Variants in CPNE4 observed in about 807,000 individuals in gnomAD.
The protein encoded by CPNE4 is copine 4.
A neutral mutation model predicts 67.9 loss-of-function variants in CPNE4; 25 were observed. The ratio of observed to expected loss-of-function variants is 0.37; its 90% confidence interval spans 0.27 to 0.51. The LOEUF is 0.51. Among genes scored for constraint, CPNE4 ranks in the 20% least tolerant of loss-of-function variants. The pLI, the probability that CPNE4 is intolerant of heterozygous loss-of-function variation, is 0.93. For missense variants in CPNE4, 464 were observed against 690.8 expected (o/e 0.67, Z 3.68); for synonymous variants, 242 against 244.9 (o/e 0.99, Z 0.11).
At chr3:131,709,662 G>A (rs1163628918) in intron 3 of CPNE4, among the ~76,000 whole-genome samples, 1 of 152,124 alleles carries the variant, frequency 6.6e-6, no homozygotes, top group African/African-American at 2.4e-5. Context: ...TTAGAAAATC[G>A]TGTGCTCCTA....
At chr3:131,800,555 C>T (rs1028090496) in intron 2 of CPNE4, among the ~76,000 whole-genome samples, 1 of 152,122 alleles carries the variant, frequency 6.6e-6, no homozygotes, top group Non-Finnish European at 1.5e-5. Flanking sequence ...TCTCTCAATT[C>T]TGTTTAGTGC....
chr3:131,759,536 A>G (rs1027311332), intron 2 of CPNE4, among the ~76,000 whole-genome samples: 2 of 152,112 alleles, frequency 1.3e-5, no homozygotes, highest in Admixed American at 6.6e-5. Context: ...ACTCAAGCAA[A>G]CAAATGGACA....
chr3:131,706,272 A>AT (rs1286052582), intron 3 of CPNE4, among the ~76,000 whole-genome samples: 7 of 152,212 alleles, frequency 4.6e-5, no homozygotes, highest in Non-Finnish European at 1.0e-4. Flanking sequence ...TACTTTTTCA[A>AT]GGGAAAAAGA....
intron 1 of CPNE4, among the ~76,000 whole-genome samples, chr3:131,951,516 C>G (rs992588776): frequency 6.6e-6 from 1 of 152,072 alleles, no homozygotes; most frequent in Admixed American, 6.5e-5. Flanking sequence ...TTCTTCAGCC[C>G]TCTCCCTCTC....
chr3:131,541,095 G>T (rs1935455561), intron 15 of CPNE4, among the ~76,000 whole-genome samples: 1 of 152,138 alleles, frequency 6.6e-6, no homozygotes, highest in African/African-American at 2.4e-5. Context: ...TAGGGGCTGG[G>T]CATATGCTCT....
Position 131,649,570 on chromosome 3 carries a change from G to A in CPNE4, c.681+20105C>T, listed in dbSNP as rs1393216624. ...TATTCTTTCTAATCTCCAGGCTGAC[G>A]TTCAAGTCTCTTGCCTTTCACTTCT... is the stretch of plus-strand genomic sequence containing the variant. On this transcript the variant is annotated intron_variant, in intron 7 of 15. Transcript: ENST00000429747. Among the ~76,000 whole-genome samples the A allele has an allele frequency of 3.3e-5, 5 of 152,310 alleles. No individual in the cohort carries two copies. The East Asian group carries it at 5.8e-4, about 18-fold the overall frequency.
intron 3 of CPNE4, among the ~76,000 whole-genome samples, chr3:131,720,521 T>C (rs2081855765): frequency 6.6e-6 from 1 of 152,148 alleles, no homozygotes; most frequent in African/African-American, 2.4e-5. Flanking sequence ...CCTGACCTTG[T>C]GATCCGCCTG....
At chr3:131,570,389 GGTTA>G (rs1320982946) in intron 10 of CPNE4, among the ~76,000 whole-genome samples, 7 of 151,476 alleles carry the variant, frequency 4.6e-5, no homozygotes, top group Non-Finnish European at 8.8e-5. Context: ...ACATTGTGCA[GGTTA>G]GTTACATATG....
At chr3:131,814,936 C>T (rs2084678671) in intron 2 of CPNE4, among the ~76,000 whole-genome samples, 2 of 152,114 alleles carry the variant, frequency 1.3e-5, no homozygotes, top group African/African-American at 4.8e-5. Flanking sequence ...CTTCAAATGC[C>T]ATCTCAGAGA....
At chr3:131,707,780 C>T (rs932539590) in intron 3 of CPNE4, among the ~76,000 whole-genome samples, 3 of 152,126 alleles carry the variant, frequency 2.0e-5, no homozygotes, top group African/African-American at 7.2e-5. Context: ...CCCTCTTACT[C>T]AAACCACTAC....
chr3:131,891,051 T>C (rs1192800190), intron 2 of CPNE4, among the ~76,000 whole-genome samples: 2 of 152,108 alleles, frequency 1.3e-5, no homozygotes, highest in African/African-American at 2.4e-5. Context: ...TATTGTGTAC[T>C]TAAATATTTA....
intron 9 of CPNE4, among the ~76,000 whole-genome samples, chr3:131,577,132 C>A (rs574176110): frequency 1.1e-3 from 168 of 152,188 alleles, no homozygotes; most frequent in African/African-American, 4.0e-3. Context: ...CTAGTCCCAG[C>A]AATTGGTGTA....
intron 1 of CPNE4, among the ~76,000 whole-genome samples, chr3:131,975,423 G>T (rs746502574): frequency 6.6e-6 from 1 of 152,156 alleles, no homozygotes; most frequent in Non-Finnish European, 1.5e-5. Context: ...TTGGGAATGG[G>T]GAGGATTGGA....
intron 7 of CPNE4, among the ~76,000 whole-genome samples, chr3:131,645,777 T>C (rs1373303613): frequency 6.6e-6 from 1 of 152,172 alleles, no homozygotes; most frequent in African/African-American, 2.4e-5. Flanking sequence ...TTTTAGACTT[T>C]CTCACTTCCT....
At chr3:131,776,040 C>T (rs2083282644) in intron 2 of CPNE4, among the ~76,000 whole-genome samples, 1 of 152,086 alleles carries the variant, frequency 6.6e-6, no homozygotes, top group South Asian at 2.1e-4. Flanking sequence ...AGGCTCTGGG[C>T]CCAGGTGTCC....
chr3:131,996,853 G>A (rs552333363), intron 1 of CPNE4, among the ~76,000 whole-genome samples: 1 of 152,188 alleles, frequency 6.6e-6, no homozygotes, highest in Admixed American at 6.5e-5. Context: ...CAGAGTTTCA[G>A]GAGACCTAGA....
chr3:131,768,570 G>C (rs1417090225), intron 2 of CPNE4, among the ~76,000 whole-genome samples: 1 of 152,112 alleles, frequency 6.6e-6, no homozygotes, highest in Non-Finnish European at 1.5e-5. Flanking sequence ...TGCAAAAACT[G>C]CTTTAATCAG....
At chr3:131,605,318 G>A (rs1266594062) in intron 7 of CPNE4, among the ~76,000 whole-genome samples, 1 of 152,002 alleles carries the variant, frequency 6.6e-6, no homozygotes, top group Non-Finnish European at 1.5e-5. Flanking sequence ...GTTACATGGG[G>A]TATGAATGAT....
At position 132,034,609 on chromosome 3, in the gene CPNE4, G is replaced by A; in HGVS notation, c.-44C>T. ...GAAGAGTGGAGAGAGAATTCAGCCC[G>A]GGACGAGGTCTGTCCCGCCCCCAGG... is the stretch of plus-strand genomic sequence containing the variant. On this transcript the variant is annotated 5_prime_UTR_variant, in exon 1 of 16. Transcript: ENST00000429747. The A allele has an allele frequency of 2.0e-6, 2 of 985,442 alleles. No homozygotes were observed. The highest frequency in any genetic ancestry group is 2.4e-6 in the Non-Finnish European group (2 of 830,002). The allele number at this position is 985,442 out of a possible 1,614,324, so 61.0% of individuals were successfully genotyped here. A position where few individuals can be genotyped will look rare whatever the true frequency, so the allele number is the denominator to read the frequency against.
Sources: allele counts gnomAD v4.1 joint callset (sites outside exome capture counted in the v4.1 genomes callset), GRCh38; gene constraint gnomAD v4.1.1; transcripts MANE v1.5; gene names NCBI Gene and HGNC (gene_info 2026-07-23, HGNC 2026-07-21).